The following DNAJB1 variants were observed in gnomAD, a reference collection of about 807,000 sequenced individuals.
DNAJB1 encodes DnaJ heat shock protein family (Hsp40) member B1.
DNAJB1 carries 14 observed loss-of-function variants against 24.0 expected under a neutral mutation model. The ratio of observed to expected loss-of-function variants is 0.58; its 90% CI spans 0.39 to 0.91. The LOEUF (loss-of-function observed/expected upper bound fraction) is 0.91. Among genes scored for constraint, DNAJB1 ranks in the 40% least tolerant of loss-of-function variants. The probability of loss-of-function intolerance (pLI) is 0.00; values close to 1 mark genes in which losing one functional copy is unlikely to be tolerated. For missense variants in DNAJB1, 517 were observed against 458.1 expected (o/e 1.13, Z -1.17); for synonymous variants, 262 against 174.4 (o/e 1.50, Z -3.96).
chr19:14,516,177 A>G lies in DNAJB1; in HGVS notation c.793-7T>C. The stretch of plus-strand genomic sequence containing the variant: ...CTGTGCAGCCACACAGAGCCTTGAA[A>G]AGCAAAAGGACAGCATTAGATGGAA... On this transcript the variant is annotated splice_region_variant and splice_polypyrimidine_tract_variant and intron_variant, in intron 2 of 2. Coordinates refer to ENST00000254322, the MANE Select transcript of DNAJB1 (RefSeq NM_006145.3). 1 of 1,613,414 alleles carries G rather than the reference A, an allele frequency of 6.2e-7. No individual in the cohort carries two copies. The highest frequency in any genetic ancestry group is 8.5e-7 in the Non-Finnish European group (1 of 1,179,894).
chr19:14,544,273 C>T (rs1230443360), intron 1 of DNAJB1, among the ~76,000 whole-genome samples: 4 of 152,056 alleles, frequency 2.6e-5, no homozygotes, highest in Non-Finnish European at 1.5e-5. Context: ...TTGGCACCTT[C>T]TGATAAGGCA....
At chr19:14,517,922 C>T (rs1599381432) in intron 1 of DNAJB1, 1 of 447,264 alleles carries the variant, frequency 2.2e-6, no homozygotes, top group Non-Finnish European at 3.8e-6. Context: ...CAGCCCCAGA[C>T]ATGCTAGAAG....
Position 14,518,334 on chromosome 19 carries a change from A to G in DNAJB1, c.16T>C (p.Tyr6His), listed in dbSNP as rs1207240675. Residue 6 changes from tyrosine (Y) to histidine (H), a missense_variant, in exon 1 of 3, where the codon TAC becomes CAC. Tyr to His is a moderately conservative substitution (Grantham distance 83). Coordinates refer to ENST00000254322, the MANE Select transcript of DNAJB1 (RefSeq NM_006145.3). ...CCGCGGGCCAGGCCCAACGTCTGGT[A>G]GTAGTCTTTACCCATGACCCCCTCC... The part of the protein sequence containing the change: MGKDY[Y>H]QTLGLARGAS... 3 of 1,591,464 alleles carry G rather than the reference A, an allele frequency of 1.9e-6. No individual in the cohort carries two copies. Among genetic ancestry groups the G allele is most frequent in the Admixed American group, 1.8e-5 (1 of 56,146 alleles).
At chr19:14,529,841 G>C (rs2072552242), upstream of DNAJB1, 1 of 1,288,798 alleles carries the variant, frequency 7.8e-7, no homozygotes, top group Non-Finnish European at 1.1e-6. Context: ...GGCGCAGTGG[G>C]CAAGCGTTGC....
chr19:14,550,750 A>G (rs2073471488), upstream of DNAJB1, among the ~76,000 whole-genome samples: 1 of 152,046 alleles, frequency 6.6e-6, no homozygotes, highest in Non-Finnish European at 1.5e-5. Context: ...GCGTGATCTC[A>G]GCTCACTGCA....
At chr19:14,529,615 G>C (rs1230461487), upstream of DNAJB1, 1 of 1,604,698 alleles carries the variant, frequency 6.2e-7, no homozygotes, top group South Asian at 1.1e-5. Flanking sequence ...CGCTGCGGTT[G>C]CGAGCGCTGT....
At chr19:14,517,988 CGAGGGCGGAGGCCCGCGAGGCCG>C (rs968292003) in intron 1 of DNAJB1, 128 bp downstream of exon 1, 5 of 856,200 alleles carry the variant, frequency 5.8e-6, no homozygotes, top group Non-Finnish European at 8.1e-6. Flanking sequence ...GCCGCCAATC[CGAGGGCGGAGGCCCGCGAGGCCG>C]GAGGGCGGGG....
At chr19:14,548,281 T>C (rs1429332422) in intron 1 of DNAJB1, among the ~76,000 whole-genome samples, 2 of 152,048 alleles carry the variant, frequency 1.3e-5, no homozygotes, top group African/African-American at 4.8e-5. Flanking sequence ...TTTCAAACTT[T>C]ACATGTCCAA....
At chr19:14,532,009 G>GGA (rs2072687157), upstream of DNAJB1, 1 of 62,364 alleles carries the variant, frequency 1.6e-5, no homozygotes, top group African/African-American at 5.0e-5. Flanking sequence ...CCTGTTTGAA[G>GGA]AAAAAAAAAA....
intron 1 of DNAJB1, among the ~76,000 whole-genome samples, chr19:14,557,854 C>T (rs951966900): frequency 2.6e-5 from 4 of 152,000 alleles, no homozygotes; most frequent in East Asian, 1.9e-4. Context: ...CTCCCGGGTT[C>T]GCGCCATTCT....
upstream of DNAJB1, chr19:14,518,472 T>G: frequency 8.5e-6 from 6 of 705,040 alleles, no homozygotes; most frequent in Non-Finnish European, 1.2e-5. Flanking sequence ...CTCCAGAACC[T>G]TCCGCCCCGC....
upstream of DNAJB1, among the ~76,000 whole-genome samples, chr19:14,551,064 A>G (rs996134756): frequency 2.0e-5 from 3 of 151,746 alleles, no homozygotes; most frequent in Non-Finnish European, 2.9e-5. Flanking sequence ...TATATCTGCA[A>G]AGACACTATT....
chr19:14,543,732 C>A (rs1019441521), intron 1 of DNAJB1, among the ~76,000 whole-genome samples: 3 of 148,598 alleles, frequency 2.0e-5, no homozygotes, highest in African/African-American at 7.5e-5. Context: ...GCCACCGCGC[C>A]CGGCTATATA....
chr19:14,559,927 C>T (rs369139416), intron 1 of DNAJB1, among the ~76,000 whole-genome samples: 11 of 152,288 alleles, frequency 7.2e-5, no homozygotes, highest in Admixed American at 2.0e-4. Flanking sequence ...AAATGGGAGA[C>T]GGACGGCCGT....
intron 1 of DNAJB1, among the ~76,000 whole-genome samples, chr19:14,536,267 G>GTTT (rs201416657): frequency 7.2e-6 from 1 of 138,044 alleles, no homozygotes; most frequent in Non-Finnish European, 1.6e-5. Context: ...TCTCGAGCTA[G>GTTT]TTTTTTTTTT....
chr19:14,545,331 C>T (rs1212366297), intron 1 of DNAJB1, among the ~76,000 whole-genome samples: 1 of 152,236 alleles, frequency 6.6e-6, no homozygotes, highest in Non-Finnish European at 1.5e-5. Flanking sequence ...CAGGGAGCCT[C>T]ATGCTGGCCC....
Position 14,514,875 on chromosome 19 carries a change from C to T in DNAJB1, c.*1065G>A, listed in dbSNP as rs564973087. The T allele has an allele frequency of 2.6e-5, 4 of 152,762 alleles. No homozygotes were observed. The highest frequency in any genetic ancestry group is 6.5e-5 in the Admixed American group (1 of 15,286). 9.5% of individuals were successfully genotyped at this position (152,762 alleles called of 1,614,324 possible). ...TACAATGAGTCTAAAGGTCTGAGCA[C>T]TGGACTGGCCTCCAGGGAACAGACA... On this transcript the variant is annotated 3_prime_UTR_variant, in exon 3 of 3. Transcript: ENST00000254322.
chr19:14,550,380 A>T (rs894274256), upstream of DNAJB1, among the ~76,000 whole-genome samples: 4 of 152,100 alleles, frequency 2.6e-5, no homozygotes, highest in Admixed American at 1.3e-4. Flanking sequence ...GGGGTGGACT[A>T]ACCTGTCTGC....
upstream of DNAJB1, among the ~76,000 whole-genome samples, chr19:14,518,642 G>GC (rs1209727968): frequency 1.3e-5 from 2 of 152,078 alleles, no homozygotes; most frequent in Non-Finnish European, 2.9e-5. Flanking sequence ...GTCGGAGGAG[G>GC]CCCCGCCCAC....
Sources: gnomAD v4.1 joint callset for allele counts (sites outside exome capture counted in the v4.1 genomes callset) on GRCh38, gnomAD v4.1.1 for gene constraint, MANE v1.5 for transcripts, NCBI Gene and HGNC (gene_info 2026-07-23, HGNC 2026-07-21) for gene names.